The following LARGE1 variants were observed in gnomAD, a reference collection of about 807,000 sequenced individuals.
LARGE1 encodes the protein LARGE xylosyl- and glucuronyltransferase 1.
A neutral mutation model predicts 87.6 loss-of-function variants in LARGE1; 43 were observed. The ratio of observed to expected loss-of-function variants is 0.49; its 90% confidence interval spans 0.38 to 0.63. The LOEUF is 0.63. Among genes scored for constraint, LARGE1 ranks in the 30% least tolerant of loss-of-function variants. The pLI, the probability that LARGE1 is intolerant of heterozygous loss-of-function variation, is 0.00. For missense variants in LARGE1, 802 were observed against 1,000.2 expected, an observed-to-expected ratio of 0.80 and a Z score of 2.67; for synonymous variants, 434 against 394.6, an observed-to-expected ratio of 1.10 and a Z score of -1.18.
chr22:33,725,724 C>CCT (rs2083251206), intron 2 of LARGE1: 1 of 152,184 alleles, frequency 6.6e-6, no homozygotes, highest in African/African-American at 2.4e-5. Context: ...TTTCCACTTG[C>CCT]CTCTCACGGC....
At chr22:33,583,008 T>C (rs2078566624) in intron 5 of LARGE1, among the ~76,000 whole-genome samples, 1 of 152,230 alleles carries the variant, frequency 6.6e-6, no homozygotes, top group African/African-American at 2.4e-5. Context: ...CCACATTAAG[T>C]ATGAGCACAT....
chr22:33,498,077 G>T (rs1337879442), intron 6 of LARGE1, among the ~76,000 whole-genome samples: 1 of 152,058 alleles, frequency 6.6e-6, no homozygotes, highest in Non-Finnish European at 1.5e-5. Context: ...TAGAGACGGG[G>T]TTTCGGCATG....
intron 6 of LARGE1, among the ~76,000 whole-genome samples, chr22:33,537,018 T>C (rs768792919): frequency 6.6e-6 from 1 of 152,164 alleles, no homozygotes. Flanking sequence ...ACCATGCTGG[T>C]CAGGCTGGTC....
At position 33,410,716 on chromosome 22, in the gene LARGE1, C is replaced by T. The variant is rs539566576; in HGVS notation, c.892+21445G>A. ...GAGAATGGACTCATATACTGCTCTACCAACCACTCTCAAGCACTGAAGGCC... is the reference window on the plus strand; with the variant it reads ...GAGAATGGACTCATATACTGCTCTATCAACCACTCTCAAGCACTGAAGGCC... On this transcript the variant is annotated intron_variant, in intron 7 of 14. Coordinates refer to ENST00000397394, the MANE Select transcript of LARGE1 (RefSeq NM_133642.5). Among the ~76,000 whole-genome samples the T allele has an allele frequency of 3.3e-5, 5 of 152,038 alleles. No individual in the cohort carries two copies. The East Asian group carries it at 9.7e-4, about 30-fold the overall frequency.
At chr22:33,619,850 T>C (rs1373627266) in intron 4 of LARGE1, among the ~76,000 whole-genome samples, 1 of 152,220 alleles carries the variant, frequency 6.6e-6, no homozygotes, top group Non-Finnish European at 1.5e-5. Flanking sequence ...TACATTTGTA[T>C]TTGTTAAATA....
chr22:33,879,720 C>T, intron 1 of LARGE1, among the ~76,000 whole-genome samples: 1 of 152,132 alleles, frequency 6.6e-6, no homozygotes, highest in East Asian at 1.9e-4. Flanking sequence ...CTTGAAACAC[C>T]ATCTATCCTG....
At chr22:33,438,932 C>G (rs776199039) in intron 6 of LARGE1, among the ~76,000 whole-genome samples, 1 of 152,150 alleles carries the variant, frequency 6.6e-6, no homozygotes, top group South Asian at 2.1e-4. Context: ...GATACAAGGC[C>G]GGGCGCGGTG....
chr22:33,436,551 G>A (rs1243965327), intron 6 of LARGE1: 3 of 154,224 alleles, frequency 1.9e-5, no homozygotes, highest in Admixed American at 6.5e-5. Flanking sequence ...CTAGAAGGAG[G>A]GATTTCTTGA....
At chr22:33,612,145 C>G (rs1261288535) in intron 4 of LARGE1, among the ~76,000 whole-genome samples, 1 of 151,914 alleles carries the variant, frequency 6.6e-6, no homozygotes, top group Non-Finnish European at 1.5e-5. Context: ...CTCTTATTGC[C>G]CAGGCTAGAG....
chr22:33,725,258 G>A (rs1195889815), intron 2 of LARGE1, among the ~76,000 whole-genome samples: 11 of 152,194 alleles, frequency 7.2e-5, no homozygotes, highest in Admixed American at 3.9e-4. Flanking sequence ...TGCATGGGGC[G>A]AGGGAAGAAT....
At chr22:33,424,299 CAG>C (rs1470622551) in intron 7 of LARGE1, among the ~76,000 whole-genome samples, 2 of 152,168 alleles carry the variant, frequency 1.3e-5, no homozygotes, top group African/African-American at 4.8e-5. Flanking sequence ...TCATTCAGGT[CAG>C]AGTGTCACTT....
chr22:33,905,957 C>T (rs374359871), intron 1 of LARGE1, among the ~76,000 whole-genome samples: 3 of 152,048 alleles, frequency 2.0e-5, no homozygotes, highest in Admixed American at 6.6e-5. Flanking sequence ...AGGTGAAACC[C>T]CATCTCTACT....
At chr22:33,457,140 T>C (rs9621700) in intron 6 of LARGE1, among the ~76,000 whole-genome samples, 3,076 of 152,190 alleles carry the variant, frequency 0.02, 92 homozygotes, top group African/African-American at 0.07. Flanking sequence ...TATTTATTTA[T>C]TGAGACGGCA....
intron 3 of LARGE1, among the ~76,000 whole-genome samples, chr22:33,636,792 A>G (rs1369865238): frequency 6.6e-6 from 1 of 151,974 alleles, no homozygotes; most frequent in Non-Finnish European, 1.5e-5. Context: ...TCGGCCTCCT[A>G]AGGTGCTGGG....
chr22:33,843,443 AT>A (rs1401310729), intron 1 of LARGE1, among the ~76,000 whole-genome samples: 1 of 150,910 alleles, frequency 6.6e-6, no homozygotes, highest in African/African-American at 2.4e-5. Flanking sequence ...TCTCAAAAAA[AT>A]AAATAAATAA....
intron 5 of LARGE1, among the ~76,000 whole-genome samples, chr22:33,580,867 C>T (rs2078499387): frequency 1.3e-5 from 2 of 152,150 alleles, no homozygotes; most frequent in Admixed American, 6.5e-5. Flanking sequence ...TTCAGCCTGG[C>T]TGAGTGGTTA....
intron 11 of LARGE1, among the ~76,000 whole-genome samples, chr22:33,170,851 G>A (rs760544675): frequency 1.7e-4 from 26 of 152,306 alleles, no homozygotes; most frequent in Non-Finnish European, 1.3e-4. Flanking sequence ...AAATGTGGAA[G>A]CAACTTTGGA....
chr22:33,266,219 CTTTTTTT>C (rs983805203), intron 11 of LARGE1, among the ~76,000 whole-genome samples: 1 of 106,934 alleles, frequency 9.4e-6, no homozygotes, highest in Non-Finnish European at 1.8e-5. Flanking sequence ...ATTTTCAGGG[CTTTTTTT>C]TTTTTTTTTT....
Position 33,188,358 on chromosome 22 carries a change from T to C in LARGE1, c.1731-21526A>G, listed in dbSNP as rs111881202. 1.7e-3 allele frequency among the ~76,000 whole-genome samples: 265 copies of C among 152,208 alleles called. 1 individual carries two copies. Among genetic ancestry groups the C allele is most frequent in the African/African-American group, 6.0e-3 (250 of 41,560 alleles). ...TGCTCATTTTGAACCGGGTCAATTC[T>C]ATCCCAACAAATAAGGAGGGGCAGG... is the stretch of plus-strand genomic sequence containing the variant. On this transcript the variant is annotated intron_variant, in intron 11 of 11. Coordinates refer to the LARGE1 transcript ENST00000608642.
Sources: gnomAD v4.1 joint callset for allele counts (sites outside exome capture counted in the v4.1 genomes callset) on GRCh38, gnomAD v4.1.1 for gene constraint, MANE v1.5 for transcripts, NCBI Gene and HGNC (gene_info 2026-07-23, HGNC 2026-07-21) for gene names.